The following LRRC4C variants were observed in gnomAD, a reference collection of about 807,000 sequenced individuals.
The protein encoded by LRRC4C is leucine-rich repeat-containing protein 4C.
A neutral mutation model predicts 33.6 loss-of-function variants in LRRC4C; 5 were observed. The ratio of observed to expected loss-of-function variants is 0.15; its 90% CI spans 0.08 to 0.31. The LOEUF (loss-of-function observed/expected upper bound fraction) is 0.31. Ranked by LOEUF, LRRC4C falls within the 10% of genes least tolerant of loss-of-function variation. The probability of loss-of-function intolerance (pLI) is 1.00; values close to 1 mark genes in which losing one functional copy is unlikely to be tolerated. For missense variants in LRRC4C, 560 were observed against 796.7 expected, an observed-to-expected ratio of 0.70 and a Z score of 3.58; for synonymous variants, 329 against 302.0, an observed-to-expected ratio of 1.09 and a Z score of -0.93.
intron 1 of LRRC4C, among the ~76,000 whole-genome samples, chr11:41,389,127 T>C (rs1953479802): frequency 6.6e-6 from 1 of 151,898 alleles, no homozygotes; most frequent in Admixed American, 6.6e-5. Context: ...CTTTAATTTG[T>C]AAGCAGACTG....
chr11:41,050,328 A>G (rs1858109297), intron 1 of LRRC4C, among the ~76,000 whole-genome samples: 1 of 152,132 alleles, frequency 6.6e-6, no homozygotes, highest in African/African-American at 2.4e-5. Flanking sequence ...GTACATAGCT[A>G]TACATGGGCC....
chr11:41,003,212 T>G (rs1854506612), intron 1 of LRRC4C, among the ~76,000 whole-genome samples: 4 of 152,192 alleles, frequency 2.6e-5, no homozygotes, highest in Non-Finnish European at 5.9e-5. Context: ...TTCTTGATAT[T>G]TCTTTAATTT....
chr11:40,539,605 A>G (rs1956621649), intron 3 of LRRC4C, among the ~76,000 whole-genome samples: 1 of 152,166 alleles, frequency 6.6e-6, no homozygotes, highest in Admixed American at 6.5e-5. Flanking sequence ...TAGTTGCAAA[A>G]GTCCAATAAT....
In LRRC4C at chr11:40,115,914, T is replaced by C; in HGVS notation, c.379A>G (p.Asn127Asp). 1.2e-6 allele frequency: 2 copies of C among 1,613,996 alleles called. No homozygotes were observed. The highest frequency in any genetic ancestry group is 1.7e-6 in the Non-Finnish European group (2 of 1,179,984). Reference protein sequence around the residue: ...IGAFNGLANLNTLELFDNRLT... With the variant: ...IGAFNGLANLDTLELFDNRLT... Reference sequence around the variant, plus strand: ...CGATTGTCAAAGAGTTCCAGAGTGTTGAGGTTCGCCAGACCATTGAAAGCC... The same window carrying C: ...CGATTGTCAAAGAGTTCCAGAGTGTCGAGGTTCGCCAGACCATTGAAAGCC... Residue 127 changes from asparagine to aspartate, a missense_variant, in exon 7 of 7, where the codon AAC becomes GAC. Transcript: ENST00000528697. The surrounding 1 kb of genome is among the most constrained non-coding windows in gnomAD (Gnocchi z 6.7).
intron 5 of LRRC4C, among the ~76,000 whole-genome samples, chr11:40,164,950 C>T (rs768495683): frequency 6.6e-6 from 1 of 152,118 alleles, no homozygotes; most frequent in African/African-American, 2.4e-5. Flanking sequence ...AAGCTCAGGA[C>T]ATGTTACCAA....
intron 1 of LRRC4C, among the ~76,000 whole-genome samples, chr11:40,993,815 TAGAC>T (rs1279500327): frequency 3.3e-5 from 5 of 152,186 alleles, no homozygotes; most frequent in African/African-American, 1.2e-4. Flanking sequence ...ACTAGAAACT[TAGAC>T]AGCAACAGTG....
chr11:41,287,122 GC>G (rs1439618886), intron 1 of LRRC4C, among the ~76,000 whole-genome samples: 2 of 152,076 alleles, frequency 1.3e-5, no homozygotes, highest in African/African-American at 4.8e-5. Context: ...TAATGACAGA[GC>G]ATAAAACCTT....
chr11:41,084,750 G>C (rs1379978904), intron 1 of LRRC4C, among the ~76,000 whole-genome samples: 1 of 152,164 alleles, frequency 6.6e-6, no homozygotes, highest in Non-Finnish European at 1.5e-5. Flanking sequence ...TCAAGAGGCT[G>C]AGGCAGGAGA....
At chr11:40,653,045 C>T (rs1942898237) in intron 2 of LRRC4C, among the ~76,000 whole-genome samples, 2 of 152,198 alleles carry the variant, frequency 1.3e-5, no homozygotes, top group Non-Finnish European at 2.9e-5. Flanking sequence ...TTGTAAGTGT[C>T]ATGAGGCTTT....
At chr11:41,274,477 A>G (rs1949416809) in intron 1 of LRRC4C, among the ~76,000 whole-genome samples, 1 of 152,098 alleles carries the variant, frequency 6.6e-6, no homozygotes, top group Non-Finnish European at 1.5e-5. Flanking sequence ...CCAGATGTGG[A>G]GTGATATTGA....
chr11:40,305,248 G>A (rs1944973830), intron 4 of LRRC4C, among the ~76,000 whole-genome samples: 1 of 152,174 alleles, frequency 6.6e-6, no homozygotes, highest in Non-Finnish European at 1.5e-5. Context: ...CATGTCTATT[G>A]CAACATTTTA....
intron 3 of LRRC4C, among the ~76,000 whole-genome samples, chr11:40,365,561 G>T (rs140029101): frequency 7.2e-5 from 11 of 151,912 alleles, no homozygotes; most frequent in African/African-American, 2.2e-4. Flanking sequence ...GGCAACTTTG[G>T]GGGGGCCCGA....
chr11:40,542,821 G>A (rs1956776866), intron 3 of LRRC4C, among the ~76,000 whole-genome samples: 1 of 152,080 alleles, frequency 6.6e-6, no homozygotes, highest in Non-Finnish European at 1.5e-5. Flanking sequence ...TGGTACAAAG[G>A]ACAGTTTATA....
At chr11:41,087,708 T>G (rs1160965019) in intron 1 of LRRC4C, among the ~76,000 whole-genome samples, 1 of 152,134 alleles carries the variant, frequency 6.6e-6, no homozygotes, top group Non-Finnish European at 1.5e-5. Flanking sequence ...CAAAAGCTAT[T>G]TGTGCCCTTT....
At chr11:40,163,138 G>C (rs2031563905) in intron 5 of LRRC4C, among the ~76,000 whole-genome samples, 2 of 152,168 alleles carry the variant, frequency 1.3e-5, no homozygotes, top group Non-Finnish European at 2.9e-5. Context: ...CCATTGCTTG[G>C]AACGTTTCCC....
At chr11:40,798,792 T>C (rs1477780080) in intron 2 of LRRC4C, among the ~76,000 whole-genome samples, 2 of 151,878 alleles carry the variant, frequency 1.3e-5, no homozygotes, top group African/African-American at 2.4e-5. Context: ...TACAGGCACC[T>C]GCCACCATAC....
intron 1 of LRRC4C, among the ~76,000 whole-genome samples, chr11:41,292,106 A>G (rs916241724): frequency 6.6e-6 from 1 of 152,150 alleles, no homozygotes; most frequent in Non-Finnish European, 1.5e-5. Flanking sequence ...TGTTGATAAC[A>G]GGTTTGATGA....
At chr11:41,006,181 A>C (rs1170925031) in intron 1 of LRRC4C, among the ~76,000 whole-genome samples, 1 of 152,202 alleles carries the variant, frequency 6.6e-6, no homozygotes, top group Non-Finnish European at 1.5e-5. Flanking sequence ...GCTATGACTG[A>C]GTGTGTCATT....
At chr11:40,771,059 T>A (rs1949735898) in intron 2 of LRRC4C, among the ~76,000 whole-genome samples, 1 of 152,212 alleles carries the variant, frequency 6.6e-6, no homozygotes, top group Non-Finnish European at 1.5e-5. Flanking sequence ...GGACTCAGTG[T>A]GGGGACTCTG....
Sources: allele counts gnomAD v4.1 joint callset (sites outside exome capture counted in the v4.1 genomes callset), GRCh38; gene constraint gnomAD v4.1.1; non-coding constraint Gnocchi (gnomAD v3.1); transcripts MANE v1.5; gene names NCBI Gene and HGNC (gene_info 2026-07-23, HGNC 2026-07-21).